Variants in MEGF11 observed in about 807,000 individuals in gnomAD.
MEGF11 encodes the protein multiple EGF like domains 11.
A neutral mutation model predicts 146.6 loss-of-function variants in MEGF11; 126 were observed. The ratio of observed to expected loss-of-function variants is 0.86; its 90% confidence interval spans 0.74 to 1.00. MEGF11 has a LOEUF of 1.00. Ranked by LOEUF, MEGF11 falls within the 50% of genes least tolerant of loss-of-function variation. MEGF11 has a pLI of 0.00. For missense variants in MEGF11, 1,509 were observed against 1,521.2 expected (o/e 0.99, Z 0.13); for synonymous variants, 532 against 583.4 (o/e 0.91, Z 1.27).
intron 5 of MEGF11, among the ~76,000 whole-genome samples, chr15:65,985,287 T>C (rs1000006473): frequency 2.0e-5 from 3 of 152,142 alleles, no homozygotes; most frequent in African/African-American, 7.2e-5. Context: ...CTGCAGGTCT[T>C]TGGGACACTT....
At chr15:66,147,156 C>T (rs1201690593) in intron 1 of MEGF11, among the ~76,000 whole-genome samples, 1 of 152,184 alleles carries the variant, frequency 6.6e-6, no homozygotes, top group African/African-American at 2.4e-5. Context: ...CCCAGTCTAA[C>T]TGTTGTTGTC....
Position 66,205,897 on chromosome 15 carries a change from A to C in MEGF11, c.-9+47708T>G, listed in dbSNP as rs1355790657. Among the ~76,000 whole-genome samples, 3 of 152,234 alleles carry C rather than the reference A, an allele frequency of 2.0e-5. No individual in the cohort carries two copies. In the East Asian group the frequency reaches 5.8e-4, roughly 29 times the overall value. The stretch of plus-strand genomic sequence containing the variant: ...TGAAAATGTCCAGGTTTCAATACAA[A>C]ATCACTCACCATACCAAAAACCAGG... On this transcript the variant is annotated intron_variant, in intron 1 of 25. Transcript: ENST00000395614.
At chr15:65,983,537 A>G (rs1347177034) in intron 5 of MEGF11, among the ~76,000 whole-genome samples, 3 of 152,226 alleles carry the variant, frequency 2.0e-5, no homozygotes. Context: ...GTTGGATGGA[A>G]AGAATGATTG....
At chr15:66,201,208 C>T (rs1178523941) in intron 1 of MEGF11, among the ~76,000 whole-genome samples, 1 of 152,158 alleles carries the variant, frequency 6.6e-6, no homozygotes, top group Non-Finnish European at 1.5e-5. Flanking sequence ...TCCCTCATCC[C>T]ACCACAAGTC....
intron 1 of MEGF11, among the ~76,000 whole-genome samples, chr15:66,135,861 AC>A (rs2088863277): frequency 1.3e-5 from 2 of 151,920 alleles, no homozygotes; most frequent in African/African-American, 4.8e-5. Context: ...TTGCTGTGTG[AC>A]CCAGGAAAGG....
chr15:66,024,192 A>T (rs1456783049), intron 5 of MEGF11, among the ~76,000 whole-genome samples: 1 of 152,242 alleles, frequency 6.6e-6, no homozygotes, highest in Non-Finnish European at 1.5e-5. Context: ...AAGAATTTTA[A>T]AAGCCACAAA....
At chr15:66,075,516 C>T (rs556994011) in intron 5 of MEGF11, among the ~76,000 whole-genome samples, 14 of 152,166 alleles carry the variant, frequency 9.2e-5, no homozygotes, top group Non-Finnish European at 2.1e-4. Flanking sequence ...CTGGGATCTC[C>T]AACAGGTGGC....
At chr15:65,928,367 G>C in intron 13 of MEGF11, 58 bp downstream of exon 13, 1 of 1,180,738 alleles carries the variant, frequency 8.5e-7, no homozygotes, top group South Asian at 1.6e-5. Flanking sequence ...AAGAGAAGTA[G>C]GATACCAAGA....
intron 1 of MEGF11, among the ~76,000 whole-genome samples, chr15:66,231,385 G>A (rs1327407467): frequency 3.3e-5 from 5 of 151,542 alleles, no homozygotes; most frequent in African/African-American, 1.2e-4. Context: ...GGTGTGATAC[G>A]GCCTCTAGAT....
At chr15:66,068,125 G>C (rs1003307972) in intron 5 of MEGF11, among the ~76,000 whole-genome samples, 1 of 152,174 alleles carries the variant, frequency 6.6e-6, no homozygotes, top group African/African-American at 2.4e-5. Flanking sequence ...TATATAGTTA[G>C]CAGTCAGCCC....
chr15:66,232,594 G>T (rs913620456), intron 1 of MEGF11, among the ~76,000 whole-genome samples: 1 of 152,040 alleles, frequency 6.6e-6, no homozygotes, highest in Admixed American at 6.6e-5. Context: ...TTCCCAGCTG[G>T]CACTCCAGAA....
At chr15:65,986,496 A>G (rs533765288) in intron 5 of MEGF11, among the ~76,000 whole-genome samples, 1 of 152,310 alleles carries the variant, frequency 6.6e-6, no homozygotes, top group East Asian at 1.9e-4. Flanking sequence ...GATTAAACAA[A>G]AAAAAACAAT....
chr15:66,133,649 G>A (rs543795378), intron 1 of MEGF11, among the ~76,000 whole-genome samples: 2 of 152,220 alleles, frequency 1.3e-5, no homozygotes, highest in South Asian at 2.1e-4. Flanking sequence ...TGATTAGTGC[G>A]AGATGAAAAG....
At chr15:66,245,636 C>T (rs2092285710) in intron 1 of MEGF11, among the ~76,000 whole-genome samples, 1 of 152,032 alleles carries the variant, frequency 6.6e-6, no homozygotes, top group Admixed American at 6.6e-5. Context: ...TCTCCAAAAA[C>T]AAACCAAAAC....
rs2081689626 is a variant in MEGF11, at chr15:65,982,509, AG to A, written c.395-22del. Reference sequence around the variant, plus strand: ...GCAGCCTGCAAGAGACGGGACAGTCAGGGATCAGGAGCCCCGAAGGCTCTCC... The same window carrying A: ...GCAGCCTGCAAGAGACGGGACAGTCAGGATCAGGAGCCCCGAAGGCTCTCC... On this transcript the variant is annotated intron_variant, in intron 5 of 25. Transcript: ENST00000395614. The surrounding 1 kb of genome is among the most constrained non-coding windows in gnomAD (Gnocchi z 5.6). 2 of 1,455,878 alleles carry A rather than the reference AG, an allele frequency of 1.4e-6. No individual in the cohort carries two copies. The highest frequency in any genetic ancestry group is 2.6e-5 in the Admixed American group (1 of 38,316). 90.2% of individuals were successfully genotyped at this position (1,455,878 alleles called of 1,614,324 possible). A position where few individuals can be genotyped will look rare whatever the true frequency, so the allele number is the denominator to read the frequency against.
intron 5 of MEGF11, among the ~76,000 whole-genome samples, chr15:66,011,092 A>G (rs997795673): frequency 1.3e-5 from 2 of 152,216 alleles, no homozygotes; most frequent in African/African-American, 4.8e-5. Context: ...CAGAGCTGGT[A>G]TAGAAATGCC....
At chr15:66,058,628 T>C (rs537565726) in intron 5 of MEGF11, among the ~76,000 whole-genome samples, 16 of 152,196 alleles carry the variant, frequency 1.1e-4, no homozygotes, top group African/African-American at 3.6e-4. Flanking sequence ...GTCTAGAGGC[T>C]CTGAGGAAGG....
intron 3 of MEGF11, among the ~76,000 whole-genome samples, chr15:66,119,483 A>G (rs1254882218): frequency 6.6e-6 from 1 of 152,138 alleles, no homozygotes; most frequent in Admixed American, 6.5e-5. Context: ...GGCAACCATG[A>G]ACTTCTCCTT....
chr15:65,900,195 C>G (rs1189815004), intron 24 of MEGF11, among the ~76,000 whole-genome samples: 2 of 152,220 alleles, frequency 1.3e-5, no homozygotes, highest in African/African-American at 4.8e-5. Context: ...CGTCTCAGCA[C>G]TAAATTTCTG....
Sources: gnomAD v4.1 joint callset for allele counts (sites outside exome capture counted in the v4.1 genomes callset) on GRCh38, gnomAD v4.1.1 for gene constraint, Gnocchi (gnomAD v3.1) non-coding constraint, MANE v1.5 for transcripts, NCBI Gene and HGNC (gene_info 2026-07-23, HGNC 2026-07-21) for gene names.